The following FABP6 variants were observed in gnomAD, a reference collection of about 807,000 sequenced individuals.
FABP6 encodes the protein fatty acid binding protein 6.
A neutral mutation model predicts 14.9 loss-of-function variants in FABP6; 13 were observed. The ratio of observed to expected loss-of-function variants is 0.87; its 90% CI spans 0.57 to 1.39. The LOEUF (loss-of-function observed/expected upper bound fraction) is 1.39. FABP6 is among the 40% of genes most tolerant of loss of function. The pLI is 0.00. For synonymous variants in FABP6, 75 were observed against 63.6 expected, an observed-to-expected ratio of 1.18 and a Z score of -0.85; for missense variants, 161 against 167.2, an observed-to-expected ratio of 0.96 and a Z score of 0.20.
chr5:160,222,103 T>TC (rs1410631964), intron 3 of FABP6, among the ~76,000 whole-genome samples: 2 of 150,666 alleles, frequency 1.3e-5, no homozygotes, highest in Non-Finnish European at 3.0e-5. Context: ...TTCTTTTTTT[T>TC]TTTTTTTTTA....
chr5:160,226,344 C>T (rs57797779), upstream of FABP6, among the ~76,000 whole-genome samples: 44,521 of 150,788 alleles, frequency 0.3, 7,047 homozygotes, highest in African/African-American at 0.43. Context: ...GGGCAGATCA[C>T]GAGGTCAGGA....
chr5:160,216,411 G>A (rs559604906), intron 3 of FABP6, among the ~76,000 whole-genome samples: 1 of 151,978 alleles, frequency 6.6e-6, no homozygotes, highest in Non-Finnish European at 1.5e-5. Flanking sequence ...GGGATTACAG[G>A]CACGTGCCAC....
At position 160,232,118 on chromosome 5, in the gene FABP6, G is replaced by C. The variant is rs1042478773; in HGVS notation, c.88G>C (p.Glu30Gln). ...KLLGISSDVI[E>Q]KARNFKIVTE... ...TCCAGGGATCTCCAGCGATGTAATC[G>C]AAAAGGCCCGCAACTTCAAGATCGT... The change falls in exon 2 of 4, where the codon GAA becomes CAA. Residue 30 changes from glutamate (E) to glutamine (Q), a missense_variant. Transcript: ENST00000402432. The C allele has an allele frequency of 1.1e-5, 17 of 1,613,972 alleles. No individual in the cohort carries two copies. Among genetic ancestry groups the C allele is most frequent in the Non-Finnish European group, 1.4e-5 (17 of 1,180,000 alleles).
At chr5:160,214,130 T>G (rs1759959863) in intron 3 of FABP6, among the ~76,000 whole-genome samples, 1 of 148,000 alleles carries the variant, frequency 6.8e-6, no homozygotes. Context: ...TTTCTTTCTT[T>G]CTTTCTTTCT....
chr5:160,229,625 G>T lies in FABP6; in HGVS notation c.67+1G>T, dbSNP rs1173397946. 1 of 1,613,706 alleles carries T rather than the reference G, an allele frequency of 6.2e-7. No homozygotes were observed. On this transcript the variant is annotated splice_donor_variant, in intron 1 of 3. Transcript: ENST00000402432. LOFTEE classifies it high-confidence loss of function. ...TATGATGAGTTCATGAAGCTCCTTG[G>T]TGAGTGAGCTCCTGGGTATCCCTTC... is the stretch of plus-strand genomic sequence containing the variant.
At chr5:160,223,587 A>T (rs1561752239) in intron 3 of FABP6, among the ~76,000 whole-genome samples, 1 of 151,430 alleles carries the variant, frequency 6.6e-6, no homozygotes, top group Non-Finnish European at 1.5e-5. Context: ...ACACTTGGCT[A>T]ATTTAAACAT....
chr5:160,228,670 G>A (rs963098740), upstream of FABP6: 2 of 383,900 alleles, frequency 5.2e-6, no homozygotes, highest in Non-Finnish European at 1.0e-5. Flanking sequence ...CATCTTCAAG[G>A]CACCTGGCAC....
upstream of FABP6, among the ~76,000 whole-genome samples, chr5:160,227,770 C>T (rs1760280451): frequency 6.6e-6 from 1 of 151,168 alleles, no homozygotes; most frequent in African/African-American, 2.4e-5. Context: ...CTCTCACTTG[C>T]TCTGAATTAT....
At chr5:160,228,628 T>C (rs914550881), upstream of FABP6, 3 of 439,254 alleles carry the variant, frequency 6.8e-6, no homozygotes, top group African/African-American at 6.1e-5. Flanking sequence ...ATAAAACTCA[T>C]CCAGCATCCA....
At chr5:160,199,004 T>C (rs1759571968) in intron 1 of FABP6, 6 of 1,156,492 alleles carry the variant, frequency 5.2e-6, no homozygotes, top group Middle Eastern at 2.6e-4. Context: ...AATGAGATGG[T>C]CTCCAGAGCC....
chr5:160,203,104 G>T (rs535235006), intron 2 of FABP6, among the ~76,000 whole-genome samples: 1 of 152,024 alleles, frequency 6.6e-6, no homozygotes, highest in Non-Finnish European at 1.5e-5. Context: ...GTTTCACTGT[G>T]GTGGCCAGGC....
intron 3 of FABP6, among the ~76,000 whole-genome samples, chr5:160,214,843 T>A (rs558094407): frequency 6.6e-6 from 1 of 152,110 alleles, no homozygotes; most frequent in South Asian, 2.1e-4. Context: ...AAAAGTGGGT[T>A]GTGGAACAGG....
upstream of FABP6, among the ~76,000 whole-genome samples, chr5:160,226,377 A>T (rs572349540): frequency 6.6e-6 from 1 of 151,900 alleles, no homozygotes; most frequent in South Asian, 2.1e-4. Flanking sequence ...CCTCGCCAAC[A>T]TGGAAAACCC....
upstream of FABP6, among the ~76,000 whole-genome samples, chr5:160,228,885 C>T (rs1453574339): frequency 3.3e-5 from 5 of 152,160 alleles, no homozygotes; most frequent in East Asian, 9.6e-4. Flanking sequence ...CAGCCTCCTC[C>T]AACCTTCCTG....
chr5:160,191,617 A>C (rs193152068), intron 1 of FABP6, among the ~76,000 whole-genome samples: 4 of 152,082 alleles, frequency 2.6e-5, no homozygotes, highest in Admixed American at 6.6e-5. Flanking sequence ...TTATTAAAAA[A>C]ATTTTTTTAA....
In FABP6 at chr5:160,234,911, T is replaced by C; in HGVS notation, c.333+2T>C. 1 of 1,609,284 alleles carries C rather than the reference T, an allele frequency of 6.2e-7. No homozygotes were observed. On this transcript the variant is annotated splice_donor_variant, in intron 3 of 3. Coordinates refer to ENST00000402432, the MANE Select transcript of FABP6 (RefSeq NM_001445.3). LOFTEE classifies it high-confidence loss of function. ...ATCGTGGGTGACAAGCTGGTGGAGG[T>C]GAGTGTCATGCTGATTCCTGGGATG...
At chr5:160,232,406 CT>C (rs1397655892) in intron 2 of FABP6, 133 bp downstream of exon 2, 6 of 887,588 alleles carry the variant, frequency 6.8e-6, no homozygotes, top group Admixed American at 3.1e-5. Flanking sequence ...GCTTGAGTTA[CT>C]TGGCAATTTA....
chr5:160,209,990 A>G (rs551555913), intron 2 of FABP6, among the ~76,000 whole-genome samples: 27 of 152,366 alleles, frequency 1.8e-4, no homozygotes, highest in African/African-American at 6.0e-4. Context: ...CAACCTGTGC[A>G]CAGTAGAATC....
chr5:160,238,518 G>C (rs1029237729), intron 3 of FABP6, 88 bp from the exon 4 acceptor site: 2 of 1,140,980 alleles, frequency 1.8e-6, no homozygotes, highest in African/African-American at 1.5e-5. Flanking sequence ...CTCAAGGCCG[G>C]GGTTGGAGAC....
Sources: gnomAD v4.1 joint callset for allele counts (sites outside exome capture counted in the v4.1 genomes callset) on GRCh38, gnomAD v4.1.1 for gene constraint, MANE v1.5 for transcripts, NCBI Gene and HGNC (gene_info 2026-07-23, HGNC 2026-07-21) for gene names.